Variants in TNK2 observed in about 807,000 individuals in gnomAD.
TNK2 encodes the protein tyrosine kinase non receptor 2, also known as activated CDC42 kinase 1.
TNK2 carries 83 observed loss-of-function variants against 101.8 expected under a neutral mutation model. That is an observed-to-expected ratio of 0.82 (90% confidence interval 0.68 to 0.98). The LOEUF (loss-of-function observed/expected upper bound fraction) is 0.98. TNK2 is among the 50% of genes least tolerant of loss of function. The pLI, the probability that TNK2 is intolerant of heterozygous loss-of-function variation, is 0.00. For synonymous variants in TNK2, 804 were observed against 633.0 expected (o/e 1.27, Z -4.06); for missense variants, 1,665 against 1,483.2 (o/e 1.12, Z -2.01).
intron 1 of TNK2, chr3:195,895,346 C>A (rs759031174): frequency 3.2e-6 from 5 of 1,563,826 alleles, no homozygotes; most frequent in South Asian, 1.2e-5. Flanking sequence ...AAGCAGCGCC[C>A]GCAGCCCCCG....
chr3:195,863,915 A>AGCCCTCAAGCCTGTCTT lies in TNK2; in HGVS notation c.*249_*265dup. On this transcript the variant is annotated 3_prime_UTR_variant, in exon 16 of 16. Coordinates refer to ENST00000672887, the MANE Select transcript of TNK2 (RefSeq NM_001382273.1). ...GGTCATACCCAGAGCCTGCTGGGGC[A>AGCCCTCAAGCCTGTCTT]GCCCTCAAGCCTGTCTTCACCCGGC... The AGCCCTCAAGCCTGTCTT allele has an allele frequency of 2.1e-6, 1 of 479,770 alleles. No individual in the cohort carries two copies. Among genetic ancestry groups the AGCCCTCAAGCCTGTCTT allele is most frequent in the Non-Finnish European group, 3.7e-6 (1 of 267,568 alleles). 29.7% of individuals were successfully genotyped at this position (479,770 alleles called of 1,614,324 possible). A position where few individuals can be genotyped will look rare whatever the true frequency, so the allele number is the denominator to read the frequency against.
In TNK2 at chr3:195,870,126, C is replaced by T; in HGVS notation, c.1531G>A (p.Gly511Arg). ...LSTSRPPQHLGGVKREPPPRP... is the reference protein window; with the variant it reads ...LSTSRPPQHLRGVKREPPPRP... ...GAGGGGCTCTTACTTTTCACCCCTCCTAGATGCTGGGGGGGCCGGGAGGTG... is the reference window on the plus strand; with the variant it reads ...GAGGGGCTCTTACTTTTCACCCCTCTTAGATGCTGGGGGGGCCGGGAGGTG... Residue 511 changes from glycine (G) to arginine (R), a missense_variant, in exon 11 of 16, where the codon GGA becomes AGA. Around this residue, in one of 3 missense-constraint regions of TNK2, gnomAD observed 1,136 missense variants for 894.9 expected, o/e 1.27. Transcript: ENST00000672887. 1 of 1,466,980 alleles carries T rather than the reference C, an allele frequency of 6.8e-7. No homozygotes were observed. Among genetic ancestry groups the T allele is most frequent in the Non-Finnish European group, 9.1e-7 (1 of 1,103,574 alleles). 90.9% of individuals were successfully genotyped at this position (1,466,980 alleles called of 1,614,324 possible). A position where few individuals can be genotyped will look rare whatever the true frequency, so the allele number is the denominator to read the frequency against.
intron 9 of TNK2, among the ~76,000 whole-genome samples, chr3:195,874,421 A>G (rs1236098674): frequency 6.6e-6 from 1 of 152,220 alleles, no homozygotes; most frequent in Non-Finnish European, 1.5e-5. Context: ...GAGTCCTGAC[A>G]CCACTCGAGA....
intron 12 of TNK2, 184 bp downstream of exon 12, chr3:195,869,288 GGGCCACACTCGTGAGCAGAAGCCCA>G: frequency 1.6e-6 from 1 of 621,992 alleles, no homozygotes; most frequent in South Asian, 1.9e-5. Context: ...GCGGAAGCCA[GGGCCACACTCGTGAGCAGAAGCCCA>G]GGCTCCGGGG....
At chr3:195,872,947 G>A (rs138860026) in intron 9 of TNK2, 373 of 166,130 alleles carry the variant, frequency 2.2e-3, no homozygotes, top group African/African-American at 5.4e-3. Context: ...TGAGAGGTGC[G>A]GGGGTGCCGG....
intron 15 of TNK2, among the ~76,000 whole-genome samples, chr3:195,864,792 A>T (rs1197001747): frequency 2.7e-5 from 4 of 145,462 alleles, no homozygotes; most frequent in Non-Finnish European, 3.0e-5. Context: ...CACCCGAGAC[A>T]GTGACAGACA....
Position 195,890,377 on chromosome 3 carries a change from A to C in TNK2, c.-18-1771T>G, listed in dbSNP as rs142018067. On this transcript the variant is annotated intron_variant, in intron 1 of 15. Coordinates refer to ENST00000672887, the MANE Select transcript of TNK2 (RefSeq NM_001382273.1). ...AAATCCCACACAACTCAATTCATGAAGGTGTTTATGATCATGCAAACCTAG... is the reference window on the plus strand; with the variant it reads ...AAATCCCACACAACTCAATTCATGACGGTGTTTATGATCATGCAAACCTAG... Among the ~76,000 whole-genome samples the C allele has an allele frequency of 3.2e-4, 48 of 152,242 alleles. No homozygotes were observed. In the East Asian group the frequency reaches 9.3e-3, roughly 29 times the overall value.
At position 195,864,038 on chromosome 3, in the gene TNK2, C is replaced by T. The variant is rs138902635; in HGVS notation, c.*143G>A. On this transcript the variant is annotated 3_prime_UTR_variant, in exon 16 of 16. Transcript: ENST00000672887. The stretch of plus-strand genomic sequence containing the variant: ...GGGCAGGGCAGGGCTCCCAGCCTCC[C>T]GCAGCCTTGGCCTTGCTCCATCCCC... 20 of 1,142,842 alleles carry T rather than the reference C, an allele frequency of 1.8e-5. No homozygotes were observed. Among genetic ancestry groups the T allele is most frequent in the Admixed American group, 6.2e-5 (3 of 48,394 alleles). The allele number at this position is 1,142,842 out of a possible 1,614,324, so 70.8% of individuals were successfully genotyped here.
chr3:195,870,832 G>A (rs928662529), intron 10 of TNK2, among the ~76,000 whole-genome samples: 2 of 152,252 alleles, frequency 1.3e-5, no homozygotes, highest in African/African-American at 2.4e-5. Flanking sequence ...CAACTCTCAG[G>A]CCCTTGCTGG....
intron 10 of TNK2, 52 bp from the exon 11 acceptor site, chr3:195,870,257 G>A: frequency 6.3e-7 from 1 of 1,597,678 alleles, no homozygotes; most frequent in Non-Finnish European, 8.5e-7. Context: ...GTGGAGGGGT[G>A]GCAGAATCTC....
chr3:195,895,248 G>T, intron 1 of TNK2: 1 of 1,542,882 alleles, frequency 6.5e-7, no homozygotes, highest in Non-Finnish European at 8.7e-7. Context: ...CCCATTACCT[G>T]CGGTCCCTCC....
At chr3:195,876,679 A>G (rs1390182136) in intron 9 of TNK2, 1 of 454,142 alleles carries the variant, frequency 2.2e-6, no homozygotes, top group East Asian at 7.0e-5. Flanking sequence ...GCCCAGGGGG[A>G]AGGAGCCCCC....
rs746616379 is a variant in TNK2, at chr3:195,868,361, G to T, written c.1937C>A (p.Pro646His). ...VVDWDARPLP[P>H]PPAYDDVAQD... The stretch of plus-strand genomic sequence containing the variant: ...GGCCACGTCGTCATAGGCGGGCGGG[G>T]GGGGCAGCGGGCGTGCGTCCCAGTC... Residue 646 changes from proline (P) to histidine (H), a missense_variant, in exon 13 of 16, where the codon CCC becomes CAC. Transcript: ENST00000672887. The T allele has an allele frequency of 1.3e-6, 2 of 1,597,824 alleles. No individual in the cohort carries two copies. Among genetic ancestry groups the T allele is most frequent in the Non-Finnish European group, 1.7e-6 (2 of 1,177,570 alleles).
chr3:195,907,916 A>G (rs2149900910), intron 1 of TNK2, among the ~76,000 whole-genome samples: 1 of 152,186 alleles, frequency 6.6e-6, no homozygotes, highest in Middle Eastern at 3.4e-3. Context: ...CCCACTAATC[A>G]TCCTTGGCTC....
At chr3:195,864,466 C>G (rs1022850735) in intron 15 of TNK2, among the ~76,000 whole-genome samples, 4 of 151,370 alleles carry the variant, frequency 2.6e-5, no homozygotes, top group Middle Eastern at 3.4e-3. Context: ...CCACCCGAGA[C>G]AGCGACAGAC....
chr3:195,890,112 C>T (rs1174911820), intron 1 of TNK2, among the ~76,000 whole-genome samples: 1 of 152,268 alleles, frequency 6.6e-6, no homozygotes, highest in East Asian at 1.9e-4. Context: ...GAGAAACTCT[C>T]AGTTCAAATC....
rs779552219 is a variant in TNK2, at chr3:195,867,973, G to A, written c.2325C>T (p.Pro775=). 5 of 1,546,800 alleles carry A rather than the reference G, an allele frequency of 3.2e-6. No individual in the cohort carries two copies. Among genetic ancestry groups the A allele is most frequent in the East Asian group, 4.6e-5 (2 of 43,536 alleles). ...TRPHVQLSPA[P]PGEEETSQWP... is the part of the protein sequence containing the mutation. The stretch of plus-strand genomic sequence containing the variant: ...ACTGGCTGGTCTCCTCCTCGCCCGG[G>A]GGGGCTGGAGACAGCTGGACGTGTG... Residue 775 remains proline, a synonymous_variant, in exon 13 of 16, where the codon CCC becomes CCT. Coordinates refer to ENST00000672887, the MANE Select transcript of TNK2 (RefSeq NM_001382273.1).
chr3:195,895,974 G>T, intron 1 of TNK2: 1 of 314,564 alleles, frequency 3.2e-6, no homozygotes, highest in Non-Finnish European at 6.1e-6. Context: ...CCACGCCCCC[G>T]CCCCGAGGCC....
At chr3:195,896,122 G>GC in intron 1 of TNK2, 1 of 455,546 alleles carries the variant, frequency 2.2e-6, no homozygotes, top group South Asian at 1.6e-5. Context: ...ACAGGCCCAC[G>GC]CGGGGGTGCC....
Sources: allele counts gnomAD v4.1 joint callset (sites outside exome capture counted in the v4.1 genomes callset), GRCh38; gene constraint gnomAD v4.1.1; regional missense constraint gnomAD v4.1.1; transcripts MANE v1.5; gene names NCBI Gene and HGNC (gene_info 2026-07-23, HGNC 2026-07-21).